CKAP5: variants seen among roughly 807,000 people sequenced by gnomAD.
CKAP5 encodes cytoskeleton-associated protein 5.
CKAP5 carries 27 observed loss-of-function variants against 232.8 expected under a neutral mutation model. The ratio of observed to expected loss-of-function variants is 0.12; its 90% CI spans 0.09 to 0.16. The LOEUF (loss-of-function observed/expected upper bound fraction) is 0.16. Ranked by LOEUF, CKAP5 falls within the 10% of genes least tolerant of loss-of-function variation. CKAP5 has a pLI of 1.00. For synonymous variants in CKAP5, 785 were observed against 841.1 expected, an observed-to-expected ratio of 0.93 and a Z score of 1.16; for missense variants, 1,838 against 2,424.7, an observed-to-expected ratio of 0.76 and a Z score of 5.08.
intron 1 of CKAP5, among the ~76,000 whole-genome samples, 179 bp downstream of exon 1, chr11:46,846,041 G>A (rs915033959): frequency 4.0e-5 from 6 of 151,596 alleles, no homozygotes; most frequent in African/African-American, 1.5e-4. Context: ...CCCCGGCCCT[G>A]CCCGCCGCAG....
rs764875893 is a variant in CKAP5, at chr11:46,744,142, G to A, written c.5980C>T (p.His1994Tyr). Residue 1994 changes from histidine (H) to tyrosine (Y), a missense_variant, in exon 44 of 44, where the codon CAT (histidine) becomes TAT (tyrosine). By Grantham distance (83) the His-to-Tyr change is moderately conservative. Transcript: ENST00000529230. Reference protein sequence around the residue: ...QLRESREQHQHSDLDSNQTHS... With the variant: ...QLRESREQHQYSDLDSNQTHS... ...GTCTGGTTAGAATCCAGGTCTGAAT[G>A]CTGGTGCTGCTCCCGTGACTCCCGG... 2 of 1,614,142 alleles carry A rather than the reference G, an allele frequency of 1.2e-6. No homozygotes were observed. Among genetic ancestry groups the A allele is most frequent in the Admixed American group, 1.7e-5 (1 of 60,008 alleles).
intron 1 of CKAP5, among the ~76,000 whole-genome samples, chr11:46,843,934 G>A (rs1171769409): frequency 2.6e-4 from 40 of 151,908 alleles, no homozygotes; most frequent in Admixed American, 2.6e-3. Flanking sequence ...AGAAAAGTGA[G>A]GGTTAGCCAG....
At chr11:46,841,322 T>C (rs1416599654) in intron 1 of CKAP5, among the ~76,000 whole-genome samples, 1 of 151,158 alleles carries the variant, frequency 6.6e-6, no homozygotes, top group Non-Finnish European at 1.5e-5. Flanking sequence ...ACACAGCTAG[T>C]GTCCACTGCT....
At chr11:46,745,066 C>A (rs1057252255) in intron 42 of CKAP5, among the ~76,000 whole-genome samples, 1 of 152,192 alleles carries the variant, frequency 6.6e-6, no homozygotes, top group African/African-American at 2.4e-5. Flanking sequence ...CAACAATTAT[C>A]TAAAGAGGGC....
chr11:46,822,803 A>G lies in CKAP5; in HGVS notation c.-37-1535T>C, dbSNP rs1319137. On this transcript the variant is annotated intron_variant, in intron 1 of 43. Coordinates refer to ENST00000529230, the MANE Select transcript of CKAP5 (RefSeq NM_001008938.4). ...AGAATCAATATGTAAAAATGTTGATACTGCCAAGCTCCCTAATTCTAGCAA... is the reference window on the plus strand; with the variant it reads ...AGAATCAATATGTAAAAATGTTGATGCTGCCAAGCTCCCTAATTCTAGCAA... Among the ~76,000 whole-genome samples, 1,296 of 151,976 alleles carry G rather than the reference A, an allele frequency of 8.5e-3. 18 individuals carry two copies. Among genetic ancestry groups the G allele is most frequent in the African/African-American group, 0.03 (1,242 of 41,390 alleles).
At chr11:46,823,063 C>A (rs113816114) in intron 1 of CKAP5, among the ~76,000 whole-genome samples, 3 of 151,886 alleles carry the variant, frequency 2.0e-5, no homozygotes, top group African/African-American at 2.4e-5. Context: ...TGGGCTCAAG[C>A]GATCCTTCCA....
intron 1 of CKAP5, among the ~76,000 whole-genome samples, chr11:46,829,834 T>TTGTGTGTG (rs749138690): frequency 1.8e-5 from 2 of 110,628 alleles, no homozygotes; most frequent in Non-Finnish European, 4.0e-5. Context: ...AATTCCTTTT[T>TTGTGTGTG]TGTATGTGTG....
intron 2 of CKAP5, chr11:46,820,905 A>G: frequency 2.6e-6 from 1 of 391,584 alleles, no homozygotes. Context: ...TGTATATACA[A>G]GGAGATGAAA....
intron 38 of CKAP5, among the ~76,000 whole-genome samples, 176 bp downstream of exon 38, chr11:46,752,459 C>T (rs1249429427): frequency 6.6e-6 from 1 of 151,442 alleles, no homozygotes; most frequent in Non-Finnish European, 1.5e-5. Context: ...CATGCCACTG[C>T]ACCTGGCTAA....
In CKAP5 at chr11:46,816,182, TA is replaced by T; in HGVS notation, c.458+15del. On this transcript the variant is annotated intron_variant, in intron 4 of 43. Transcript: ENST00000529230. ...GGACTGCTGCTCTAGTTAACAAAGC[TA>T]AAACAAAGTCTTACCTTAAGGCTTT... The T allele has an allele frequency of 6.2e-7, 1 of 1,608,370 alleles. No homozygotes were observed. Among genetic ancestry groups the T allele is most frequent in the Non-Finnish European group, 8.5e-7 (1 of 1,175,900 alleles).
chr11:46,797,791 AAG>A lies in CKAP5; in HGVS notation c.1338+12_1338+13del. The A allele has an allele frequency of 2.5e-6, 4 of 1,585,934 alleles. No individual in the cohort carries two copies. The highest frequency in any genetic ancestry group is 3.4e-6 in the Non-Finnish European group (4 of 1,171,954). On this transcript the variant is annotated intron_variant, in intron 11 of 43. Transcript: ENST00000529230. ...GGTATAAAATATTCCCCCAACTTCA[AAG>A]AGAGTCTGTACCTTAAGTAGTGCAG...
intron 26 of CKAP5, 138 bp downstream of exon 26, chr11:46,769,825 G>C: frequency 1.1e-6 from 1 of 936,044 alleles, no homozygotes; most frequent in South Asian, 1.7e-5. Flanking sequence ...GTTTGTGAAA[G>C]GAAAGTAAGC....
chr11:46,809,371 T>G (rs752998649), intron 7 of CKAP5, 29 bp downstream of exon 7: 2 of 1,378,986 alleles, frequency 1.5e-6, no homozygotes, highest in Non-Finnish European at 2.1e-6. Flanking sequence ...TTACAAGAAA[T>G]AAATGAAAGA....
At position 46,811,078 on chromosome 11, in the gene CKAP5, T is replaced by A. The variant is rs1321958930; in HGVS notation, c.559A>T (p.Ile187Phe). 2 of 1,614,130 alleles carry A rather than the reference T, an allele frequency of 1.2e-6. No homozygotes were observed. Among genetic ancestry groups the A allele is most frequent in the Admixed American group, 3.3e-5 (2 of 60,020 alleles). The stretch of plus-strand genomic sequence containing the variant: ...ATCCATCTGTAAATCTCCACAGCAA[T>A]TAGTTTGGCTTCATCTCGAACAGCC... Reference protein sequence around the residue: ...EKAVRDEAKLIAVEIYRWIRD... With the variant: ...EKAVRDEAKLFAVEIYRWIRD... The change falls in exon 5 of 44, where the codon ATT becomes TTT. Residue 187 changes from isoleucine to phenylalanine, a missense_variant. By Grantham distance (21) the Ile-to-Phe change is conservative. This residue lies in a region of CKAP5 where 285 missense variants were observed against 300.0 expected (regional missense o/e 0.95). Transcript: ENST00000529230.
rs2134647399 is a variant in CKAP5, at chr11:46,795,772, T to C, written c.1472A>G (p.Lys491Arg). Residue 491 changes from lysine (K) to arginine (R), a missense_variant, in exon 13 of 44, where the codon AAA (lysine) becomes AGA (arginine). Lys to Arg is a conservative substitution (Grantham distance 26). This residue lies in a region of CKAP5 where 767 missense variants were observed against 954.6 expected (regional missense o/e 0.80). Transcript: ENST00000529230. ...DVDKLKLDKI[K>R]ECSEKVELIH... is the part of the protein sequence containing the mutation. ...CAGTTCTACCTTTTCTGAACATTCT[T>C]TGATCTGGAGAATGAAAGTGAGATG... is the stretch of plus-strand genomic sequence containing the variant. 1 of 1,612,704 alleles carries C rather than the reference T, an allele frequency of 6.2e-7. No individual in the cohort carries two copies. The highest frequency in any genetic ancestry group is 2.2e-5 in the East Asian group (1 of 44,868).
At chr11:46,747,258 G>A (rs959593883) in intron 42 of CKAP5, among the ~76,000 whole-genome samples, 4 of 152,184 alleles carry the variant, frequency 2.6e-5, no homozygotes, top group African/African-American at 9.7e-5. Context: ...TATATAGTAT[G>A]TTAGAGGTGT....
intron 4 of CKAP5, among the ~76,000 whole-genome samples, chr11:46,814,339 A>C (rs1939350322): frequency 6.6e-6 from 1 of 152,168 alleles, no homozygotes; most frequent in Non-Finnish European, 1.5e-5. Context: ...AGGAAACTTC[A>C]TTCACGTAAG....
rs1298544354 is a variant in CKAP5 at position 46,784,811 on chromosome 11, C to G, written c.1969-138G>C. The G allele has an allele frequency of 5.5e-6, 3 of 546,852 alleles. No homozygotes were observed. The East Asian group carries it at 9.0e-5, about 16-fold the overall frequency. The allele number at this position is 546,852 out of a possible 1,614,324, so 33.9% of individuals were successfully genotyped here. On this transcript the variant is annotated intron_variant, in intron 16 of 43. Coordinates refer to ENST00000529230, the MANE Select transcript of CKAP5 (RefSeq NM_001008938.4). ...ACTAAAGTAAAATCAGGATTTTAAACAAATATGCAAAATAATTTGTATCCT... is the reference window on the plus strand; with the variant it reads ...ACTAAAGTAAAATCAGGATTTTAAAGAAATATGCAAAATAATTTGTATCCT...
intron 24 of CKAP5, among the ~76,000 whole-genome samples, chr11:46,772,293 T>A (rs1369642506): frequency 6.6e-6 from 1 of 152,126 alleles, no homozygotes; most frequent in Non-Finnish European, 1.5e-5. Flanking sequence ...TTTTGCAGAG[T>A]AAAAGTTTTT....
Sources: gnomAD v4.1 joint callset for allele counts (sites outside exome capture counted in the v4.1 genomes callset) on GRCh38, gnomAD v4.1.1 for gene constraint, gnomAD v4.1.1 regional missense constraint, MANE v1.5 for transcripts, NCBI Gene and HGNC (gene_info 2026-07-23, HGNC 2026-07-21) for gene names.